ZNF394: variants seen among roughly 807,000 people sequenced by gnomAD.
ZNF394 encodes zinc finger protein 394.
In ZNF394, 19 loss-of-function variants were observed where a neutral mutation model predicts 21.8. That is an observed-to-expected ratio of 0.87 (90% CI 0.61 to 1.28). The LOEUF is 1.28. Among genes scored for constraint, ZNF394 ranks in the 50% most tolerant of loss-of-function variants. ZNF394 has a pLI of 0.00. For synonymous variants in ZNF394, 294 were observed against 273.3 expected (o/e 1.08, Z -0.75); for missense variants, 683 against 708.6 (o/e 0.96, Z 0.41).
At chr7:99,496,971 A>G (rs1335121027) in intron 2 of ZNF394, among the ~76,000 whole-genome samples, 1 of 151,118 alleles carries the variant, frequency 6.6e-6, no homozygotes, top group Non-Finnish European at 1.5e-5. Flanking sequence ...AGATGAACAT[A>G]CAGTTGTTCC....
chr7:99,497,183 C>T (rs190836001), intron 2 of ZNF394, among the ~76,000 whole-genome samples: 100 of 130,584 alleles, frequency 7.7e-4, no homozygotes, highest in African/African-American at 3.1e-3. Context: ...TTTTTTGAGA[C>T]GGAGTCTTGC....
chr7:99,487,700 C>CA (rs1395224876), intron 1 of ZNF394: 1 of 529,750 alleles, frequency 1.9e-6, no homozygotes, highest in African/African-American at 1.9e-5. Flanking sequence ...CAAAAAATAA[C>CA]AAAGCCAGGT....
Position 99,493,633 on chromosome 7 carries a change from G to A in ZNF394, c.1582C>T (p.Leu528Phe). The stretch of plus-strand genomic sequence containing the variant: ...TGTCTAAATCTTTCCCCACATTCAA[G>A]ACATTTGTAAGGCTTTTCCCCAGTG... ...IHTGEKPYKC[L>F]ECGERFRQST... The change falls in exon 3 of 3, where the codon CTT becomes TTT. Residue 528 changes from leucine to phenylalanine, a missense_variant. This residue lies in a region of ZNF394 where 274 missense variants were observed against 314.1 expected (regional missense o/e 0.87). Coordinates refer to ENST00000337673, the MANE Select transcript of ZNF394 (RefSeq NM_032164.4). 2 of 1,614,200 alleles carry A rather than the reference G, an allele frequency of 1.2e-6. No individual in the cohort carries two copies. Among genetic ancestry groups the A allele is most frequent in the East Asian group, 2.2e-5 (1 of 44,894 alleles).
Position 99,499,961 on chromosome 7 carries a change from AGTCTTCC to A in ZNF394, c.126_132del (p.Glu42AspfsTer39). 1 of 1,613,782 alleles carries A rather than the reference AGTCTTCC, an allele frequency of 6.2e-7. No homozygotes were observed. The highest frequency in any genetic ancestry group is 1.3e-5 in the African/African-American group (1 of 75,060). On this transcript the variant is annotated frameshift_variant, in exon 1 of 3. Coordinates refer to ENST00000337673, the MANE Select transcript of ZNF394 (RefSeq NM_032164.4). LOFTEE classifies it high-confidence loss of function. ...TAGTTGGGCTCCCAACTTCCGGGTG[AGTCTTCC>A]TCCACTTTCACGGGCAAAAGTCCGT... is the stretch of plus-strand genomic sequence containing the variant.
chr7:99,499,800 G>C lies in ZNF394; in HGVS notation c.294C>G (p.Leu98=). The change falls in exon 1 of 3, where the codon CTC becomes CTG. Residue 98 remains leucine, a synonymous_variant. Transcript: ENST00000337673. The stretch of plus-strand genomic sequence containing the variant: ...GCAGCTCCAGGATCTGCTCCTTGGA[G>C]AGCAGCTCGGGTCTCAGCCACCGAC... ...LCRRWLRPEL[L]SKEQILELLV... The C allele has an allele frequency of 1.9e-6, 3 of 1,614,198 alleles. No individual in the cohort carries two copies. The East Asian group carries it at 6.7e-5, about 36-fold the overall frequency.
downstream of ZNF394, among the ~76,000 whole-genome samples, chr7:99,489,077 G>GT (rs1055576495): frequency 3.0e-4 from 45 of 152,132 alleles, no homozygotes; most frequent in East Asian, 5.8e-4. Context: ...GAGGTCAGGA[G>GT]TTTGAGACCA....
At chr7:99,491,845 C>G (rs1249444777), downstream of ZNF394, among the ~76,000 whole-genome samples, 1 of 147,728 alleles carries the variant, frequency 6.8e-6, no homozygotes, top group African/African-American at 2.5e-5. Flanking sequence ...GAGGCCAAGG[C>G]GGGCGGATCA....
At chr7:99,490,779 G>A (rs956837699), downstream of ZNF394, among the ~76,000 whole-genome samples, 8 of 152,096 alleles carry the variant, frequency 5.3e-5, no homozygotes, top group Admixed American at 2.0e-4. Flanking sequence ...TGAGCCACAG[G>A]GAACTGCCAA....
rs1034791276 is a variant in ZNF394, at chr7:99,500,149, C to A, written c.-56G>T. Reference sequence around the variant, plus strand: ...GTCTTCTTTTCAGGTGAAGAAAGAGCAAACCCAAGGAACTCATCAGCCGTC... The same window carrying A: ...GTCTTCTTTTCAGGTGAAGAAAGAGAAAACCCAAGGAACTCATCAGCCGTC... On this transcript the variant is annotated 5_prime_UTR_variant, in exon 1 of 3. Coordinates refer to ENST00000337673, the MANE Select transcript of ZNF394 (RefSeq NM_032164.4). 30 of 1,496,670 alleles carry A rather than the reference C, an allele frequency of 2.0e-5. No homozygotes were observed. Among genetic ancestry groups the A allele is most frequent in the Non-Finnish European group, 2.7e-5 (30 of 1,129,454 alleles). The allele number at this position is 1,496,670 out of a possible 1,614,324, so 92.7% of individuals were successfully genotyped here. A position where few individuals can be genotyped will look rare whatever the true frequency, so the allele number is the denominator to read the frequency against.
Position 99,498,699 on chromosome 7 carries a change from A to T in ZNF394, c.583+17T>A. 1 of 1,613,900 alleles carries T rather than the reference A, an allele frequency of 6.2e-7. No individual in the cohort carries two copies. The highest frequency in any genetic ancestry group is 1.1e-5 in the South Asian group (1 of 91,068). ...AAACCACACACCGCAATAAACCAGC[A>T]GAGCAACAGCACTCACTCGGCGGAA... On this transcript the variant is annotated intron_variant, in intron 2 of 2. Coordinates refer to ENST00000337673, the MANE Select transcript of ZNF394 (RefSeq NM_032164.4).
intron 2 of ZNF394, among the ~76,000 whole-genome samples, chr7:99,497,319 C>T (rs551244244): frequency 4.4e-4 from 66 of 150,780 alleles, no homozygotes; most frequent in African/African-American, 1.5e-3. Flanking sequence ...GGACTACAGG[C>T]GCCTGCCACC....
chr7:99,491,083 C>T (rs1469455876), downstream of ZNF394, among the ~76,000 whole-genome samples: 3 of 152,126 alleles, frequency 2.0e-5, no homozygotes, highest in Non-Finnish European at 4.4e-5. Context: ...TCACCTACAT[C>T]AGGGAGAGAG....
At position 99,488,048 on chromosome 7, in the gene ZNF394, G is replaced by A. The variant is rs192377698; in HGVS notation, n.84-1085C>T. Among the ~76,000 whole-genome samples, 768 of 143,988 alleles carry A rather than the reference G, an allele frequency of 5.3e-3. 6 individuals are homozygous for A. Among genetic ancestry groups the A allele is most frequent in the African/African-American group, 0.02 (744 of 37,574 alleles). The allele number at this position is 143,988 out of a possible 152,430, so 94.5% of individuals were successfully genotyped here. A position where few individuals can be genotyped will look rare whatever the true frequency, so the allele number is the denominator to read the frequency against. On this transcript the variant is annotated intron_variant and non_coding_transcript_variant, in intron 1 of 1. Coordinates refer to the ZNF394 transcript ENST00000462024. ...GATCGTGCCACTGCACTCCAGCCTG[G>A]GCGACAGAGCGAGACTCCGTCTCAA... is the stretch of plus-strand genomic sequence containing the variant.
rs1315644858 is a variant in ZNF394, at chr7:99,498,714, A to T, written c.583+2T>A. ...ATAAACCAGCAGAGCAACAGCACTC[A>T]CTCGGCGGAACTGTGCTCCCGGAAT... On this transcript the variant is annotated splice_donor_variant, in intron 2 of 2. Coordinates refer to ENST00000337673, the MANE Select transcript of ZNF394 (RefSeq NM_032164.4). LOFTEE classifies it high-confidence loss of function. 1.9e-6 allele frequency: 3 copies of T among 1,613,848 alleles called. No homozygotes were observed. The highest frequency in any genetic ancestry group is 2.5e-6 in the Non-Finnish European group (3 of 1,179,912).
chr7:99,499,779 C>T lies in ZNF394; in HGVS notation c.315G>A (p.Glu105=). 6.2e-7 allele frequency: 1 copy of T among 1,614,228 alleles called. No individual in the cohort carries two copies. The highest frequency in any genetic ancestry group is 8.5e-7 in the Non-Finnish European group (1 of 1,180,044). The change falls in exon 1 of 3, where the codon GAG becomes GAA. Residue 105 remains glutamate, a synonymous_variant. Coordinates refer to ENST00000337673, the MANE Select transcript of ZNF394 (RefSeq NM_032164.4). ...PELLSKEQIL[E]LLVLEQFLTI... ...TGAGGAACTGCTCCAGCACCAGCAG[C>T]TCCAGGATCTGCTCCTTGGAGAGCA...
Position 99,494,200 on chromosome 7 carries a change from T to A in ZNF394, c.1015A>T (p.Ser339Cys). The A allele has an allele frequency of 6.2e-7, 1 of 1,614,258 alleles. No individual in the cohort carries two copies. The highest frequency in any genetic ancestry group is 1.3e-5 in the African/African-American group (1 of 75,074). Residue 339 changes from serine to cysteine, a missense_variant, in exon 3 of 3, where the codon AGT (serine) becomes TGT (cysteine). Physicochemically the swap from Ser to Cys is moderately radical, Grantham distance 112 (BLOSUM62 -1). This residue lies in a region of ZNF394 where 274 missense variants were observed against 314.1 expected (regional missense o/e 0.87). Coordinates refer to ENST00000337673, the MANE Select transcript of ZNF394 (RefSeq NM_032164.4). ...LKPHKSDSGD[S>C]FHHSSLFETQ... Reference sequence around the variant, plus strand: ...TCAAAAAGGCTGGAATGATGGAAACTGTCTCCACTGTCAGACTTGTGAGGT... The same window carrying A: ...TCAAAAAGGCTGGAATGATGGAAACAGTCTCCACTGTCAGACTTGTGAGGT...
Position 99,493,647 on chromosome 7 carries a change from T to C in ZNF394, c.1568A>G (p.Lys523Arg). The C allele has an allele frequency of 6.2e-7, 1 of 1,614,218 alleles. No homozygotes were observed. The highest frequency in any genetic ancestry group is 2.2e-5 in the East Asian group (1 of 44,890). ...IKHQRIHTGE[K>R]PYKCLECGER... ...CCCACATTCAAGACATTTGTAAGGC[T>C]TTTCCCCAGTGTGAATTCTCTGGTG... is the stretch of plus-strand genomic sequence containing the variant. Residue 523 changes from lysine to arginine, a missense_variant, in exon 3 of 3, where the codon AAG becomes AGG. Coordinates refer to ENST00000337673, the MANE Select transcript of ZNF394 (RefSeq NM_032164.4).
At chr7:99,497,122 G>GTGTGTGTGTATATA (rs1322382800) in intron 2 of ZNF394, among the ~76,000 whole-genome samples, 7 of 79,462 alleles carry the variant, frequency 8.8e-5, no homozygotes, top group Admixed American at 1.4e-4. Flanking sequence ...GTGTGTGTGT[G>GTGTGTGTGTATATA]TATATATATA....
In ZNF394 at chr7:99,498,755, C is replaced by A. The variant is rs1209270966; in HGVS notation, c.544G>T (p.Glu182Ter). 1 of 1,614,150 alleles carries A rather than the reference C, an allele frequency of 6.2e-7. No homozygotes were observed. The highest frequency in any genetic ancestry group is 1.7e-5 in the Admixed American group (1 of 60,012). ...CTCCCGGAATCCTTCTGCGCACTCT[C>A]TCTGCAGAAGTCCCTCCGTGCTGGG... is the stretch of plus-strand genomic sequence containing the variant. ...LDPARRDFCRESAQKDSGSTV... is the reference protein window; with the variant it reads ...LDPARRDFCR The change falls in exon 2 of 3, where the codon GAG becomes TAG. Residue 182 changes from glutamate (E) to a stop codon, truncating the protein, a stop_gained. Transcript: ENST00000337673. LOFTEE classifies it low-confidence loss of function (END_TRUNC).
Sources: gnomAD v4.1 joint callset for allele counts (sites outside exome capture counted in the v4.1 genomes callset) on GRCh38, gnomAD v4.1.1 for gene constraint, gnomAD v4.1.1 regional missense constraint, MANE v1.5 for transcripts, NCBI Gene and HGNC (gene_info 2026-07-23, HGNC 2026-07-21) for gene names.